Variants in RNF150 observed in about 807,000 individuals in gnomAD.
RNF150 encodes ring finger protein 150.
In RNF150, 24 loss-of-function variants were observed where a neutral mutation model predicts 39.3. The observed-to-expected ratio is 0.61, with a 90% confidence interval of 0.44 to 0.86. The LOEUF (loss-of-function observed/expected upper bound fraction) is 0.86, where lower values mean the gene tolerates loss of function less well. Among genes scored for constraint, RNF150 ranks in the 40% least tolerant of loss-of-function variants. The pLI is 0.00. For missense variants in RNF150, 502 were observed against 587.8 expected (o/e 0.85, Z 1.51); for synonymous variants, 255 against 227.3 (o/e 1.12, Z -1.10).
At chr4:140,886,875 A>T (rs959207999) in intron 6 of RNF150, among the ~76,000 whole-genome samples, 4 of 152,224 alleles carry the variant, frequency 2.6e-5, no homozygotes, top group Admixed American at 6.5e-5. Flanking sequence ...ATATTTGCTT[A>T]TCCTAAAGTT....
chr4:140,911,939 G>A (rs1377896395), intron 5 of RNF150, among the ~76,000 whole-genome samples: 2 of 152,120 alleles, frequency 1.3e-5, no homozygotes, highest in Non-Finnish European at 2.9e-5. Context: ...ATATCCCTAA[G>A]TCCTTAATAC....
At position 140,860,491 on chromosome 4, in the gene RNF150, C is replaced by T. The variant is rs1192826468; in HGVS notation, c.*7770G>A. ...ACAGTCTGAATATGGAGAGGATAGA[C>T]AATGCCGAGATGGAACCATCATCTA... On this transcript the variant is annotated 3_prime_UTR_variant, in exon 7 of 7. Coordinates refer to ENST00000515673, the MANE Select transcript of RNF150 (RefSeq NM_020724.2). 1 of 152,122 alleles carries T rather than the reference C, an allele frequency of 6.6e-6. No individual in the cohort carries two copies. Among genetic ancestry groups the T allele is most frequent in the African/African-American group, 2.4e-5 (1 of 41,418 alleles). The allele number at this position is 152,122 out of a possible 1,614,324, so 9.4% of individuals were successfully genotyped here. A position where few individuals can be genotyped will look rare whatever the true frequency, so the allele number is the denominator to read the frequency against.
At chr4:141,190,994 C>T (rs974737875) in intron 1 of RNF150, among the ~76,000 whole-genome samples, 1 of 152,120 alleles carries the variant, frequency 6.6e-6, no homozygotes, top group Admixed American at 6.5e-5. Context: ...CCATGAAGAA[C>T]ATTTCAACAC....
At chr4:141,101,504 T>C (rs951512923) in intron 1 of RNF150, among the ~76,000 whole-genome samples, 3 of 152,114 alleles carry the variant, frequency 2.0e-5, no homozygotes, top group Admixed American at 2.0e-4. Context: ...GAATAGCTCC[T>C]GAAGCACCTG....
chr4:141,065,323 G>C (rs1737410536), intron 1 of RNF150, among the ~76,000 whole-genome samples: 1 of 152,152 alleles, frequency 6.6e-6, no homozygotes, highest in African/African-American at 2.4e-5. Context: ...GGATAGGGAA[G>C]AAAAGTGACA....
intron 1 of RNF150, among the ~76,000 whole-genome samples, chr4:141,172,241 C>T (rs983042913): frequency 1.2e-4 from 18 of 152,120 alleles, no homozygotes; most frequent in African/African-American, 3.6e-4. Flanking sequence ...CTTCTCAGGA[C>T]GCTGGCAGAG....
chr4:141,198,413 C>T (rs1421890731), intron 1 of RNF150, among the ~76,000 whole-genome samples: 2 of 152,120 alleles, frequency 1.3e-5, no homozygotes, highest in Non-Finnish European at 2.9e-5. Flanking sequence ...TCCAGAAATG[C>T]TTTCAGTTTG....
At chr4:141,109,760 T>G (rs1578739694) in intron 1 of RNF150, among the ~76,000 whole-genome samples, 6 of 152,190 alleles carry the variant, frequency 3.9e-5, no homozygotes, top group Admixed American at 3.9e-4. Flanking sequence ...TGTGAATATT[T>G]AAAAATCTAA....
intron 1 of RNF150, among the ~76,000 whole-genome samples, chr4:141,152,943 C>T (rs1217146673): frequency 6.6e-6 from 1 of 152,050 alleles, no homozygotes; most frequent in Non-Finnish European, 1.5e-5. Flanking sequence ...CAACCCATTA[C>T]CTAGGTATTA....
intron 1 of RNF150, among the ~76,000 whole-genome samples, chr4:141,067,460 C>T: frequency 6.6e-6 from 1 of 152,172 alleles, no homozygotes; most frequent in Non-Finnish European, 1.5e-5. Flanking sequence ...AAATGAAAGT[C>T]TGTGGCTGGA....
intron 5 of RNF150, 35 bp downstream of exon 5, chr4:140,925,942 A>C: frequency 7.0e-7 from 1 of 1,433,262 alleles, no homozygotes; most frequent in Non-Finnish European, 9.8e-7. Context: ...GCAGAAAGAC[A>C]GACATTATAA....
chr4:140,874,752 C>T (rs1162602595), intron 6 of RNF150, among the ~76,000 whole-genome samples: 1 of 152,204 alleles, frequency 6.6e-6, no homozygotes, highest in Non-Finnish European at 1.5e-5. Context: ...GCCGGGACTA[C>T]AGGCATCTGC....
chr4:140,967,154 TGA>T (rs1281964760), intron 2 of RNF150, among the ~76,000 whole-genome samples: 2 of 152,162 alleles, frequency 1.3e-5, no homozygotes, highest in African/African-American at 4.8e-5. Context: ...ACTGGGTAGC[TGA>T]GAGACACACA....
chr4:140,942,880 C>T (rs1732144385), intron 4 of RNF150, among the ~76,000 whole-genome samples: 1 of 152,098 alleles, frequency 6.6e-6, no homozygotes. Context: ...GTTTGTAATC[C>T]AACTCTGACA....
At chr4:141,176,781 A>G (rs1244461051) in intron 1 of RNF150, among the ~76,000 whole-genome samples, 1 of 152,236 alleles carries the variant, frequency 6.6e-6, no homozygotes, top group Non-Finnish European at 1.5e-5. Flanking sequence ...AAAGATTAAT[A>G]AAAATTTAAA....
At chr4:141,058,197 T>C (rs1374625513) in intron 1 of RNF150, among the ~76,000 whole-genome samples, 1 of 152,128 alleles carries the variant, frequency 6.6e-6, no homozygotes, top group Non-Finnish European at 1.5e-5. Flanking sequence ...TTTAATAATA[T>C]GTTGCATATT....
intron 1 of RNF150, among the ~76,000 whole-genome samples, chr4:141,153,421 G>A (rs1229845902): frequency 6.6e-6 from 1 of 152,160 alleles, no homozygotes; most frequent in Non-Finnish European, 1.5e-5. Context: ...ACCATGTCAA[G>A]ACACAGGGAA....
rs1228535083 is a variant in RNF150, at chr4:140,911,130, A to G, written c.1198+14T>C. 3.7e-6 allele frequency: 6 copies of G among 1,602,726 alleles called. No homozygotes were observed. Among genetic ancestry groups the G allele is most frequent in the East Asian group, 2.2e-5 (1 of 44,818 alleles). On this transcript the variant is annotated intron_variant, in intron 6 of 6. Coordinates refer to ENST00000515673, the MANE Select transcript of RNF150 (RefSeq NM_020724.2). ...TCCTTCTGGCTATGTCACTTTAAGT[A>G]TGGCAGAACTCACTGTTAGTAGTAA...
intron 1 of RNF150, among the ~76,000 whole-genome samples, chr4:141,107,963 AC>A (rs1370044981): frequency 6.6e-6 from 1 of 152,192 alleles, no homozygotes; most frequent in Non-Finnish European, 1.5e-5. Context: ...AAAATCCAGG[AC>A]ATTGATTACA....
Sources: gnomAD v4.1 joint callset for allele counts (sites outside exome capture counted in the v4.1 genomes callset) on GRCh38, gnomAD v4.1.1 for gene constraint, MANE v1.5 for transcripts, NCBI Gene and HGNC (gene_info 2026-07-23, HGNC 2026-07-21) for gene names.